TTC28: variants seen among roughly 807,000 people sequenced by gnomAD.
TTC28 encodes tetratricopeptide repeat domain 28, also known as tetratricopeptide repeat protein 28.
A neutral mutation model predicts 198.0 loss-of-function variants in TTC28; 61 were observed. That is an observed-to-expected ratio of 0.31 (90% confidence interval 0.25 to 0.38). The LOEUF (loss-of-function observed/expected upper bound fraction) is 0.38, where lower values mean the gene tolerates loss of function less well. Among genes scored for constraint, TTC28 ranks in the 10% least tolerant of loss-of-function variants. The pLI is 1.00. For synonymous variants in TTC28, 1,171 were observed against 1,297.8 expected (o/e 0.90, Z 2.10); for missense variants, 2,678 against 3,164.0 (o/e 0.85, Z 3.69).
chr22:28,537,924 A>G (rs367624639), intron 2 of TTC28, among the ~76,000 whole-genome samples: 4 of 152,226 alleles, frequency 2.6e-5, no homozygotes, highest in South Asian at 2.1e-4. Context: ...TGAGCTCAGG[A>G]GTTTGAGACC....
intron 1 of TTC28, among the ~76,000 whole-genome samples, chr22:28,643,615 T>G (rs573308115): frequency 6.6e-6 from 1 of 152,330 alleles, no homozygotes; most frequent in African/African-American, 2.4e-5. Context: ...CCCACATCTT[T>G]GAAAAAATTA....
At chr22:28,523,076 A>T (rs1424712138) in intron 2 of TTC28, among the ~76,000 whole-genome samples, 1 of 152,214 alleles carries the variant, frequency 6.6e-6, no homozygotes, top group Non-Finnish European at 1.5e-5. Context: ...ATTGAAAAAA[A>T]GTAAAACAAA....
At chr22:28,246,069 T>C (rs917987767) in intron 5 of TTC28, among the ~76,000 whole-genome samples, 2 of 152,216 alleles carry the variant, frequency 1.3e-5, no homozygotes, top group East Asian at 1.9e-4. Flanking sequence ...TTATTTACTC[T>C]TAGCTTTAAT....
At chr22:28,487,578 C>T (rs761894518) in intron 2 of TTC28, among the ~76,000 whole-genome samples, 29 of 152,094 alleles carry the variant, frequency 1.9e-4, no homozygotes, top group Non-Finnish European at 3.7e-4. Context: ...CAATCCCTAA[C>T]GCTAAACTGT....
intron 2 of TTC28, among the ~76,000 whole-genome samples, chr22:28,348,079 C>T (rs1350287006): frequency 1.3e-5 from 2 of 152,190 alleles, no homozygotes; most frequent in African/African-American, 4.8e-5. Context: ...GTTCCAAGTC[C>T]GTCTAGGATC....
intron 6 of TTC28, among the ~76,000 whole-genome samples, chr22:28,118,151 C>G (rs1429975482): frequency 6.6e-6 from 1 of 152,174 alleles, no homozygotes; most frequent in Non-Finnish European, 1.5e-5. Context: ...GTAATCCCAA[C>G]ACTTTGGGAG....
At chr22:28,566,423 G>A (rs914848386) in intron 2 of TTC28, among the ~76,000 whole-genome samples, 11 of 152,142 alleles carry the variant, frequency 7.2e-5, no homozygotes, top group Non-Finnish European at 1.6e-4. Context: ...GACGTTAACT[G>A]GCAAATTTAA....
At position 28,076,444 on chromosome 22, in the gene TTC28, T is replaced by A. The variant is rs573468899; in HGVS notation, c.3932+17636A>T. 1.2e-3 allele frequency among the ~76,000 whole-genome samples: 188 copies of A among 152,340 alleles called. 2 individuals carry two copies. Among genetic ancestry groups the A allele is most frequent in the African/African-American group, 4.1e-3 (172 of 41,580 alleles). ...TGTAATTCATTTGCTTAAAAACCCC[T>A]GCTTTTTTCCCTCTTTTTGGGAAGC... On this transcript the variant is annotated intron_variant, in intron 12 of 22. Transcript: ENST00000397906.
intron 1 of TTC28, among the ~76,000 whole-genome samples, chr22:28,679,198 C>A (rs1337246720): frequency 6.6e-6 from 1 of 152,228 alleles, no homozygotes; most frequent in Non-Finnish European, 1.5e-5. Context: ...ACAAACCCCA[C>A]CCCGGAAAGG....
intron 13 of TTC28, among the ~76,000 whole-genome samples, chr22:28,020,042 A>T (rs766948034): frequency 8.6e-4 from 131 of 152,240 alleles, no homozygotes; most frequent in Non-Finnish European, 1.4e-3. Context: ...AGAGACCTGC[A>T]CAAAGCCACC....
chr22:28,271,476 A>G (rs144684039), intron 5 of TTC28, among the ~76,000 whole-genome samples: 2,204 of 152,204 alleles, frequency 0.014, 31 homozygotes, highest in Non-Finnish European at 0.02. Flanking sequence ...CTGTGTCCCC[A>G]CCCAAATCTC....
At chr22:28,412,108 GA>G (rs766259493) in intron 2 of TTC28, among the ~76,000 whole-genome samples, 4 of 152,190 alleles carry the variant, frequency 2.6e-5, no homozygotes, top group Non-Finnish European at 5.9e-5. Context: ...AGGAAGCTGG[GA>G]TTACACAGGT....
chr22:28,509,127 G>A (rs1490027546), intron 2 of TTC28, among the ~76,000 whole-genome samples: 1 of 151,404 alleles, frequency 6.6e-6, no homozygotes, highest in Non-Finnish European at 1.5e-5. Flanking sequence ...GGAGACGGAG[G>A]TTGCAGTGAG....
chr22:28,425,598 T>C (rs2047338400), intron 2 of TTC28, among the ~76,000 whole-genome samples: 1 of 152,218 alleles, frequency 6.6e-6, no homozygotes, highest in Non-Finnish European at 1.5e-5. Flanking sequence ...GTTGAATCAA[T>C]AAACCAATGG....
At chr22:28,216,633 A>C (rs1183017120) in intron 5 of TTC28, among the ~76,000 whole-genome samples, 1 of 152,240 alleles carries the variant, frequency 6.6e-6, no homozygotes, top group African/African-American at 2.4e-5. Flanking sequence ...AAGGATATTG[A>C]CAACATTTAC....
intron 2 of TTC28, among the ~76,000 whole-genome samples, chr22:28,543,727 G>A (rs1465126589): frequency 6.6e-6 from 1 of 152,068 alleles, no homozygotes; most frequent in Non-Finnish European, 1.5e-5. Context: ...GGTACTAAGA[G>A]GAGACATTTT....
chr22:28,202,775 G>A lies in TTC28; in HGVS notation c.934-39176C>T, dbSNP rs1327079406. The stretch of plus-strand genomic sequence containing the variant: ...TATCTGGTAATTTAGGCCTGGTTTT[G>A]TTTTTCATCTTTTGAATGTTTCAAA... On this transcript the variant is annotated intron_variant, in intron 5 of 22. Coordinates refer to ENST00000397906, the MANE Select transcript of TTC28 (RefSeq NM_001145418.2). 2.0e-5 allele frequency among the ~76,000 whole-genome samples: 3 copies of A among 151,984 alleles called. No homozygotes were observed. The East Asian group carries it at 5.8e-4, about 29-fold the overall frequency.
At chr22:28,224,009 C>G (rs910005308) in intron 5 of TTC28, among the ~76,000 whole-genome samples, 4 of 152,176 alleles carry the variant, frequency 2.6e-5, no homozygotes, top group Admixed American at 1.3e-4. Context: ...GGGCAATTTC[C>G]TCCCTCCAGG....
At chr22:28,568,528 T>C in intron 2 of TTC28, among the ~76,000 whole-genome samples, 1 of 151,936 alleles carries the variant, frequency 6.6e-6, no homozygotes, top group African/African-American at 2.4e-5. Flanking sequence ...GGATACAAAA[T>C]CAATGTTCAA....
Sources: gnomAD v4.1 joint callset for allele counts (sites outside exome capture counted in the v4.1 genomes callset) on GRCh38, gnomAD v4.1.1 for gene constraint, MANE v1.5 for transcripts, NCBI Gene and HGNC (gene_info 2026-07-23, HGNC 2026-07-21) for gene names.